Variants in SMIM33 observed in about 807,000 individuals in gnomAD.
The protein encoded by SMIM33 is small integral membrane protein 33.
At position 139,471,062 on chromosome 5, in the gene SMIM33, C is replaced by G; in HGVS notation, c.-60C>G. The G allele has an allele frequency of 2.5e-6, 1 of 398,738 alleles. No homozygotes were observed. The highest frequency in any genetic ancestry group is 4.4e-6 in the Non-Finnish European group (1 of 226,174). The allele number at this position is 398,738 out of a possible 1,614,324, so 24.7% of individuals were successfully genotyped here. On this transcript the variant is annotated 5_prime_UTR_variant, in exon 1 of 2. Coordinates refer to ENST00000637503, the MANE Select transcript of SMIM33 (RefSeq NM_001365197.1). ...CCGGGTAGGGGCTGAATTAGGGTGG[C>G]CAGCCCTCCTTTACCCAGCTGGCTG...
chr5:139,473,103 C>G lies in SMIM33; in HGVS notation c.*182C>G. ...CTGTGGTGGGCAAGAGAAATCAAAACTTGAGGGCCCTGCCCAGAAACATGC... is the reference window on the plus strand; with the variant it reads ...CTGTGGTGGGCAAGAGAAATCAAAAGTTGAGGGCCCTGCCCAGAAACATGC... On this transcript the variant is annotated 3_prime_UTR_variant, in exon 2 of 2. Coordinates refer to ENST00000637503, the MANE Select transcript of SMIM33 (RefSeq NM_001365197.1). 2.5e-6 allele frequency: 1 copy of G among 394,736 alleles called. No homozygotes were observed. The highest frequency in any genetic ancestry group is 3.6e-5 in the East Asian group (1 of 27,856). 24.5% of individuals were successfully genotyped at this position (394,736 alleles called of 1,614,324 possible). A position where few individuals can be genotyped will look rare whatever the true frequency, so the allele number is the denominator to read the frequency against.
Position 139,473,124 on chromosome 5 carries a change from C to T in SMIM33, c.*203C>T, listed in dbSNP as rs915167559. 1 of 390,620 alleles carries T rather than the reference C, an allele frequency of 2.6e-6. No homozygotes were observed. The highest frequency in any genetic ancestry group is 4.5e-6 in the Non-Finnish European group (1 of 221,608). The allele number at this position is 390,620 out of a possible 1,614,324, so 24.2% of individuals were successfully genotyped here. On this transcript the variant is annotated 3_prime_UTR_variant, in exon 2 of 2. Transcript: ENST00000637503. ...AAAACTTGAGGGCCCTGCCCAGAAA[C>T]ATGCTGCGGGGGGCCTTCCCAGGGC...
intron 1 of SMIM33, among the ~76,000 whole-genome samples, chr5:139,471,954 C>G (rs1038006222): frequency 5.3e-5 from 8 of 152,184 alleles, no homozygotes; most frequent in African/African-American, 1.9e-4. Context: ...CAAGGACCCC[C>G]TTTCCCCAGG....
In SMIM33 at chr5:139,471,040, G is replaced by C. The variant is rs1751528550; in HGVS notation, c.-82G>C. ...GGGCCCCGCAGACGTGGCAGCTCCG[G>C]GTAGGGGCTGAATTAGGGTGGCCAG... On this transcript the variant is annotated 5_prime_UTR_variant, in exon 1 of 2. Transcript: ENST00000637503. The C allele has an allele frequency of 1.3e-5, 5 of 398,670 alleles. No individual in the cohort carries two copies. The highest frequency in any genetic ancestry group is 2.2e-5 in the Non-Finnish European group (5 of 226,200). 24.7% of individuals were successfully genotyped at this position (398,670 alleles called of 1,614,324 possible). A position where few individuals can be genotyped will look rare whatever the true frequency, so the allele number is the denominator to read the frequency against.
intron 1 of SMIM33, 98 bp from the exon 2 acceptor site, chr5:139,472,434 C>T (rs79971357): frequency 2.5e-5 from 10 of 394,852 alleles, no homozygotes; most frequent in Middle Eastern, 3.2e-4. Context: ...CTCAACCCCC[C>T]GCCTCAGGTT....
Position 139,471,087 on chromosome 5 carries a change from G to C in SMIM33, c.-35G>C, listed in dbSNP as rs1217262629. ...CCAGCCCTCCTTTACCCAGCTGGCTGCCAGTCCCAAGGGAGCCCTGTGTCG... is the reference window on the plus strand; with the variant it reads ...CCAGCCCTCCTTTACCCAGCTGGCTCCCAGTCCCAAGGGAGCCCTGTGTCG... On this transcript the variant is annotated 5_prime_UTR_variant, in exon 1 of 2. Coordinates refer to ENST00000637503, the MANE Select transcript of SMIM33 (RefSeq NM_001365197.1). The C allele has an allele frequency of 2.5e-6, 1 of 398,650 alleles. No homozygotes were observed. Among genetic ancestry groups the C allele is most frequent in the Non-Finnish European group, 4.4e-6 (1 of 226,182 alleles). 24.7% of individuals were successfully genotyped at this position (398,650 alleles called of 1,614,324 possible). A position where few individuals can be genotyped will look rare whatever the true frequency, so the allele number is the denominator to read the frequency against.
chr5:139,472,417 T>A (rs1751550108), intron 1 of SMIM33, 115 bp from the exon 2 acceptor site: 127 of 338,512 alleles, frequency 3.8e-4, no homozygotes, highest in South Asian at 4.6e-4. Context: ...CTCTGGTCCC[T>A]CCCGCCCTCA....
chr5:139,472,997 T>C lies in SMIM33; in HGVS notation c.*76T>C, dbSNP rs1303430416. 7.5e-6 allele frequency: 3 copies of C among 398,342 alleles called. No homozygotes were observed. The East Asian group carries it at 1.1e-4, about 14-fold the overall frequency. The allele number at this position is 398,342 out of a possible 1,614,324, so 24.7% of individuals were successfully genotyped here. A position where few individuals can be genotyped will look rare whatever the true frequency, so the allele number is the denominator to read the frequency against. On this transcript the variant is annotated 3_prime_UTR_variant, in exon 2 of 2. Coordinates refer to ENST00000637503, the MANE Select transcript of SMIM33 (RefSeq NM_001365197.1). Reference sequence around the variant, plus strand: ...GCAGAGAACTAGGGCAAAAGCAAATTGGAGCCTGGGCATCAGAGCGTCGGA... The same window carrying C: ...GCAGAGAACTAGGGCAAAAGCAAATCGGAGCCTGGGCATCAGAGCGTCGGA...
At chr5:139,472,439 C>A in intron 1 of SMIM33, 93 bp from the exon 2 acceptor site, 1 of 390,588 alleles carries the variant, frequency 2.6e-6, no homozygotes, top group Non-Finnish European at 4.5e-6. Flanking sequence ...CCCCCCGCCT[C>A]AGGTTCCTTT....
chr5:139,472,570 T>C lies in SMIM33; in HGVS notation c.48T>C (p.Ser16=), dbSNP rs938667881. The C allele has an allele frequency of 8.5e-5, 34 of 400,826 alleles. 1 individual carries two copies. Among genetic ancestry groups the C allele is most frequent in the African/African-American group, 6.8e-4 (33 of 48,810 alleles). 24.8% of individuals were successfully genotyped at this position (400,826 alleles called of 1,614,324 possible). A position where few individuals can be genotyped will look rare whatever the true frequency, so the allele number is the denominator to read the frequency against. The stretch of plus-strand genomic sequence containing the variant: ...CCTGGCCTTCTCCAGCTGTGAACAG[T>C]TCATCAGAGCAGGAGCCCCAGAGGC... ...HYSWPSPAVN[S]SSEQEPQRQL... Residue 16 remains serine (S), a synonymous_variant, in exon 2 of 2, where the codon AGT becomes AGC. Coordinates refer to ENST00000637503, the MANE Select transcript of SMIM33 (RefSeq NM_001365197.1).
In SMIM33 at chr5:139,473,194, C is replaced by A. The variant is rs1561480551; in HGVS notation, c.*273C>A. The A allele has an allele frequency of 3.0e-6, 1 of 334,246 alleles. No homozygotes were observed. Among genetic ancestry groups the A allele is most frequent in the Non-Finnish European group, 5.4e-6 (1 of 185,598 alleles). 20.7% of individuals were successfully genotyped at this position (334,246 alleles called of 1,614,324 possible). The stretch of plus-strand genomic sequence containing the variant: ...TCCCTCCCTCCTCTTCAGGGACCAC[C>A]AGACCCCTGAATCTCCTTTTCTGAG... On this transcript the variant is annotated 3_prime_UTR_variant, in exon 2 of 2. Coordinates refer to ENST00000637503, the MANE Select transcript of SMIM33 (RefSeq NM_001365197.1).
At chr5:139,471,242 C>T (rs1430206159) in intron 1 of SMIM33, 112 bp downstream of exon 1, 10 of 398,552 alleles carry the variant, frequency 2.5e-5, no homozygotes, top group Non-Finnish European at 4.4e-6. Flanking sequence ...AGCTGCTTCC[C>T]CACCCCCTGC....
intron 1 of SMIM33, 101 bp from the exon 2 acceptor site, chr5:139,472,431 C>G (rs907609438): frequency 5.1e-6 from 2 of 394,318 alleles, no homozygotes; most frequent in Non-Finnish European, 9.0e-6. Context: ...GCCCTCAACC[C>G]CCCGCCTCAG....
chr5:139,472,814 G>C lies in SMIM33; in HGVS notation c.292G>C (p.Gly98Arg), dbSNP rs1323089452. The C allele has an allele frequency of 5.0e-6, 2 of 400,774 alleles. No individual in the cohort carries two copies. The highest frequency in any genetic ancestry group is 4.1e-5 in the African/African-American group (2 of 48,692). 24.8% of individuals were successfully genotyped at this position (400,774 alleles called of 1,614,324 possible). Residue 98 changes from glycine (G) to arginine (R), a missense_variant, in exon 2 of 2, where the codon GGC becomes CGC. Gly to Arg is a moderately radical substitution (Grantham distance 125). Coordinates refer to ENST00000637503, the MANE Select transcript of SMIM33 (RefSeq NM_001365197.1). The stretch of plus-strand genomic sequence containing the variant: ...CTACCTCATCCACTGGCGGGTGCTG[G>C]GCCCCCAAGACAGTCCTGAAGAAGC... ...GIYLIHWRVL[G>R]PQDSPEEAPP...
In SMIM33 at chr5:139,472,945, C is replaced by G. The variant is rs1751560131; in HGVS notation, c.*24C>G. On this transcript the variant is annotated 3_prime_UTR_variant, in exon 2 of 2. Coordinates refer to ENST00000637503, the MANE Select transcript of SMIM33 (RefSeq NM_001365197.1). ...AGGAGGGAGACTTTGGAGAGTTAGC[C>G]TGACCTAGCTCAGAACAAGAAACCG... The G allele has an allele frequency of 2.5e-6, 1 of 400,406 alleles. No homozygotes were observed. The highest frequency in any genetic ancestry group is 4.4e-6 in the Non-Finnish European group (1 of 226,246). The allele number at this position is 400,406 out of a possible 1,614,324, so 24.8% of individuals were successfully genotyped here.
At position 139,472,925 on chromosome 5, in the gene SMIM33, G is replaced by A. The variant is rs1751559991; in HGVS notation, c.*4G>A. On this transcript the variant is annotated 3_prime_UTR_variant, in exon 2 of 2. Transcript: ENST00000637503. ...CGATGAAGTCACTTGTCTGTAGGAG[G>A]GAGACTTTGGAGAGTTAGCCTGACC... is the stretch of plus-strand genomic sequence containing the variant. The A allele has an allele frequency of 2.5e-6, 1 of 400,758 alleles. No homozygotes were observed. Among genetic ancestry groups the A allele is most frequent in the Non-Finnish European group, 4.4e-6 (1 of 226,304 alleles). The allele number at this position is 400,758 out of a possible 1,614,324, so 24.8% of individuals were successfully genotyped here.
chr5:139,472,188 G>C (rs1442362449), intron 1 of SMIM33, among the ~76,000 whole-genome samples: 4 of 152,138 alleles, frequency 2.6e-5, no homozygotes, highest in Non-Finnish European at 4.4e-5. Context: ...TTGTCTCCCT[G>C]CATCTGTTTC....
intron 1 of SMIM33, among the ~76,000 whole-genome samples, chr5:139,472,295 CT>C (rs1307364783): frequency 2.0e-5 from 3 of 151,938 alleles, no homozygotes; most frequent in African/African-American, 7.3e-5. Flanking sequence ...CTGTATCCCC[CT>C]CTGCCTTTTC....
Position 139,472,803 on chromosome 5 carries a change from G to T in SMIM33, c.281G>T (p.Trp94Leu). ...KPDGGIYLIH[W>L]RVLGPQDSPE... ...GATGGTGGCATCTACCTCATCCACTGGCGGGTGCTGGGCCCCCAAGACAGT... is the reference window on the plus strand; with the variant it reads ...GATGGTGGCATCTACCTCATCCACTTGCGGGTGCTGGGCCCCCAAGACAGT... The change falls in exon 2 of 2, where the codon TGG becomes TTG. Residue 94 changes from tryptophan (W) to leucine (L), a missense_variant. Physicochemically the swap from Trp to Leu is moderately conservative, Grantham distance 61. Transcript: ENST00000637503. 2.5e-6 allele frequency: 1 copy of T among 400,944 alleles called. No homozygotes were observed. 24.8% of individuals were successfully genotyped at this position (400,944 alleles called of 1,614,324 possible).
Sources: gnomAD v4.1 joint callset for allele counts (sites outside exome capture counted in the v4.1 genomes callset) on GRCh38, gnomAD v4.1.1 for gene constraint, MANE v1.5 for transcripts, NCBI Gene and HGNC (gene_info 2026-07-23, HGNC 2026-07-21) for gene names.